Variants in RBFOX1 observed in about 807,000 individuals in gnomAD.
The protein encoded by RBFOX1 is RNA binding protein fox-1 homolog 1.
Under a neutral mutation model 57.7 loss-of-function variants are expected in RBFOX1, and 8 were observed. The observed-to-expected ratio is 0.14, with a 90% CI of 0.08 to 0.25. The LOEUF (loss-of-function observed/expected upper bound fraction) is 0.25, where lower values mean the gene tolerates loss of function less well. Ranked by LOEUF, RBFOX1 falls within the 10% of genes least tolerant of loss-of-function variation. The pLI is 1.00. For synonymous variants in RBFOX1, 326 were observed against 222.4 expected (o/e 1.47, Z -4.15); for missense variants, 611 against 548.5 (o/e 1.11, Z -1.14).
At chr16:5,677,216 C>A (rs2050194674) in intron 3 of RBFOX1, among the ~76,000 whole-genome samples, 1 of 152,172 alleles carries the variant, frequency 6.6e-6, no homozygotes, top group African/African-American at 2.4e-5. Context: ...CCAGAGATAC[C>A]AATTCTCTTG....
chr16:6,504,997 C>T (rs2096053621), intron 2 of RBFOX1, among the ~76,000 whole-genome samples: 1 of 152,090 alleles, frequency 6.6e-6, no homozygotes, highest in Non-Finnish European at 1.5e-5. Flanking sequence ...CGCTTGAACC[C>T]AGGAGGCAGA....
intron 3 of RBFOX1, among the ~76,000 whole-genome samples, chr16:6,923,306 G>A (rs549146719): frequency 1.2e-4 from 19 of 152,282 alleles, no homozygotes; most frequent in Admixed American, 9.1e-4. Flanking sequence ...TGCCAAGGCG[G>A]GAGGATCATG....
At chr16:7,359,794 C>G (rs1009556921) in intron 4 of RBFOX1, among the ~76,000 whole-genome samples, 3 of 152,086 alleles carry the variant, frequency 2.0e-5, no homozygotes, top group Non-Finnish European at 2.9e-5. Flanking sequence ...ACCATCCTGG[C>G]TAACATGGTG....
At chr16:5,681,317 C>T (rs1348088030) in intron 3 of RBFOX1, among the ~76,000 whole-genome samples, 1 of 150,758 alleles carries the variant, frequency 6.6e-6, no homozygotes, top group Non-Finnish European at 1.5e-5. Context: ...ATCTCCTGAC[C>T]TTGTGATCCA....
intron 4 of RBFOX1, among the ~76,000 whole-genome samples, chr16:7,212,999 T>A (rs2091426165): frequency 6.6e-6 from 1 of 152,210 alleles, no homozygotes; most frequent in Non-Finnish European, 1.5e-5. Flanking sequence ...CCAGTCATCT[T>A]GTAAGGCAAA....
intron 7 of RBFOX1, among the ~76,000 whole-genome samples, chr16:7,587,743 T>C (rs1434585105): frequency 6.6e-6 from 1 of 152,234 alleles, no homozygotes; most frequent in African/African-American, 2.4e-5. Context: ...AATTTTATTC[T>C]TTAGTATGTT....
intron 14 of RBFOX1, among the ~76,000 whole-genome samples, chr16:7,680,681 C>G (rs563420821): frequency 1.3e-5 from 2 of 152,226 alleles, no homozygotes; most frequent in East Asian, 1.9e-4. Flanking sequence ...AAGATGGCAA[C>G]CAACATAATT....
intron 4 of RBFOX1, among the ~76,000 whole-genome samples, chr16:5,922,261 C>T (rs1293566669): frequency 6.6e-6 from 1 of 152,174 alleles, no homozygotes; most frequent in African/African-American, 2.4e-5. Flanking sequence ...ATGAGGGATC[C>T]ATCCCCATGA....
At chr16:7,474,319 G>GC (rs776423404) in intron 4 of RBFOX1, among the ~76,000 whole-genome samples, 3 of 152,012 alleles carry the variant, frequency 2.0e-5, no homozygotes, top group Admixed American at 6.6e-5. Context: ...ACAAAAAGCA[G>GC]CCCCCCATCT....
At chr16:5,863,669 G>T (rs1020967367) in intron 3 of RBFOX1, among the ~76,000 whole-genome samples, 1 of 152,152 alleles carries the variant, frequency 6.6e-6, no homozygotes, top group Non-Finnish European at 1.5e-5. Context: ...ACCTAGAGGG[G>T]CCTCAGTAAA....
chr16:6,410,373 G>A (rs1165136226), intron 2 of RBFOX1, among the ~76,000 whole-genome samples: 9 of 146,930 alleles, frequency 6.1e-5, no homozygotes, highest in Admixed American at 2.1e-4. Flanking sequence ...GGGCAGTGGC[G>A]CGAACTTGAC....
chr16:7,477,452 C>T (rs1164081999), intron 4 of RBFOX1, among the ~76,000 whole-genome samples: 1 of 152,082 alleles, frequency 6.6e-6, no homozygotes, highest in African/African-American at 2.4e-5. Context: ...AGCATTAATT[C>T]CGATATTTCA....
At chr16:7,514,577 G>C (rs1290146857) in intron 4 of RBFOX1, among the ~76,000 whole-genome samples, 1 of 152,134 alleles carries the variant, frequency 6.6e-6, no homozygotes, top group East Asian at 1.9e-4. Context: ...AACTGACCAG[G>C]TTTCAGCATC....
chr16:6,984,282 A>G (rs921714389), intron 3 of RBFOX1, among the ~76,000 whole-genome samples: 3 of 152,084 alleles, frequency 2.0e-5, no homozygotes, highest in Non-Finnish European at 4.4e-5. Flanking sequence ...ATCCTCCTGT[A>G]CTACCTGTGT....
At chr16:5,845,474 A>C (rs1348858927) in intron 3 of RBFOX1, among the ~76,000 whole-genome samples, 1 of 152,002 alleles carries the variant, frequency 6.6e-6, no homozygotes, top group East Asian at 1.9e-4. Flanking sequence ...TCCTCATCCA[A>C]CCCAGCTGTT....
intron 3 of RBFOX1, among the ~76,000 whole-genome samples, chr16:7,008,542 A>T (rs2093432227): frequency 6.6e-6 from 1 of 152,058 alleles, no homozygotes. Flanking sequence ...TTTGTCTCAA[A>T]AAAAAAGTAG....
At chr16:7,350,518 C>G (rs2097109179) in intron 4 of RBFOX1, among the ~76,000 whole-genome samples, 2 of 152,144 alleles carry the variant, frequency 1.3e-5, no homozygotes, top group South Asian at 2.1e-4. Flanking sequence ...TAGGAGAACA[C>G]TATGATCTGA....
intron 13 of RBFOX1, among the ~76,000 whole-genome samples, chr16:7,669,943 G>C (rs1174934212): frequency 2.6e-5 from 4 of 152,228 alleles, no homozygotes; most frequent in East Asian, 1.9e-4. Flanking sequence ...GGAGAGACAA[G>C]ATGTTGAGTG....
At chr16:5,337,277 G>A (rs1044927001) in intron 1 of RBFOX1, among the ~76,000 whole-genome samples, 1 of 152,174 alleles carries the variant, frequency 6.6e-6, no homozygotes, top group Non-Finnish European at 1.5e-5. Context: ...ATGTGTATAA[G>A]GCATTTTTGA....
Sources: gnomAD v4.1 joint callset for allele counts (sites outside exome capture counted in the v4.1 genomes callset) on GRCh38, gnomAD v4.1.1 for gene constraint, MANE v1.5 for transcripts, NCBI Gene and HGNC (gene_info 2026-07-23, HGNC 2026-07-21) for gene names.